The following PLCXD3 variants were observed in gnomAD, a reference collection of about 807,000 sequenced individuals.
The protein encoded by PLCXD3 is phosphatidylinositol specific phospholipase C X domain containing 3.
Under a neutral mutation model 25.5 loss-of-function variants are expected in PLCXD3, and 19 were observed. The ratio of observed to expected loss-of-function variants is 0.75; its 90% CI spans 0.52 to 1.09. The LOEUF (loss-of-function observed/expected upper bound fraction) is 1.09. Ranked by LOEUF, PLCXD3 falls within the 50% of genes least tolerant of loss-of-function variation. The pLI is 0.00. For missense variants in PLCXD3, 411 were observed against 388.1 expected, an observed-to-expected ratio of 1.06 and a Z score of -0.50; for synonymous variants, 174 against 137.6, an observed-to-expected ratio of 1.26 and a Z score of -1.85.
At chr5:41,465,020 T>G (rs1747980807) in intron 1 of PLCXD3, among the ~76,000 whole-genome samples, 1 of 152,128 alleles carries the variant, frequency 6.6e-6, no homozygotes, top group Non-Finnish European at 1.5e-5. Context: ...GTTCTTATTT[T>G]GTTATCAACT....
At chr5:41,370,542 C>T (rs10941540) in intron 2 of PLCXD3, among the ~76,000 whole-genome samples, 2,208 of 152,226 alleles carry the variant, frequency 0.015, 51 homozygotes, top group African/African-American at 0.048. Flanking sequence ...AGGTAGGACA[C>T]GCTTACAGCA....
intron 1 of PLCXD3, among the ~76,000 whole-genome samples, chr5:41,391,622 C>G (rs892902676): frequency 2.6e-5 from 4 of 152,164 alleles, no homozygotes; most frequent in Non-Finnish European, 5.9e-5. Flanking sequence ...AGGTGAGTCT[C>G]AGCACATTAC....
chr5:41,502,512 G>A (rs1482626171), intron 1 of PLCXD3, among the ~76,000 whole-genome samples: 4 of 152,086 alleles, frequency 2.6e-5, no homozygotes, highest in Non-Finnish European at 4.4e-5. Flanking sequence ...GATGTAATCA[G>A]TACAGATGAA....
intron 1 of PLCXD3, among the ~76,000 whole-genome samples, chr5:41,445,796 A>T (rs1281205454): frequency 6.6e-6 from 1 of 152,168 alleles, no homozygotes; most frequent in Non-Finnish European, 1.5e-5. Context: ...TGCCCAGCCC[A>T]AGGTCACAAA....
chr5:41,470,049 G>C (rs748167166), intron 1 of PLCXD3, among the ~76,000 whole-genome samples: 4 of 152,158 alleles, frequency 2.6e-5, no homozygotes, highest in Non-Finnish European at 5.9e-5. Flanking sequence ...ATCCAGACCA[G>C]CAGCTCTGTC....
At chr5:41,319,797 A>G (rs1042436191) in intron 2 of PLCXD3, among the ~76,000 whole-genome samples, 1 of 152,152 alleles carries the variant, frequency 6.6e-6, no homozygotes, top group African/African-American at 2.4e-5. Context: ...TGAAAAAAAT[A>G]CAAAAGATCA....
chr5:41,376,617 T>C (rs1218764957), intron 2 of PLCXD3, among the ~76,000 whole-genome samples: 2 of 152,160 alleles, frequency 1.3e-5, no homozygotes, highest in Admixed American at 1.3e-4. Flanking sequence ...CCTGAGAAGC[T>C]ACCCCTATCC....
At chr5:41,491,027 A>C (rs1457681170) in intron 1 of PLCXD3, among the ~76,000 whole-genome samples, 1 of 152,020 alleles carries the variant, frequency 6.6e-6, no homozygotes, top group African/African-American at 2.4e-5. Flanking sequence ...TTGTGATGTT[A>C]GGTTGTCAAT....
chr5:41,473,292 T>G (rs1335108500), intron 1 of PLCXD3, among the ~76,000 whole-genome samples: 2 of 152,116 alleles, frequency 1.3e-5, no homozygotes, highest in Non-Finnish European at 2.9e-5. Flanking sequence ...TGTGCTAAGA[T>G]TTCTATAGCA....
chr5:41,509,489 G>T (rs1394152912), intron 1 of PLCXD3, among the ~76,000 whole-genome samples: 1 of 152,114 alleles, frequency 6.6e-6, no homozygotes, highest in South Asian at 2.1e-4. Context: ...CTAGAAACCT[G>T]CCCAGTCTCT....
chr5:41,339,335 AGGT>A (rs1744072241), intron 2 of PLCXD3, among the ~76,000 whole-genome samples: 1 of 152,122 alleles, frequency 6.6e-6, no homozygotes, highest in Non-Finnish European at 1.5e-5. Flanking sequence ...ATATTCTAGG[AGGT>A]AGCTCCAGCT....
At chr5:41,464,611 G>A (rs900934206) in intron 1 of PLCXD3, among the ~76,000 whole-genome samples, 2 of 151,914 alleles carry the variant, frequency 1.3e-5, no homozygotes, top group African/African-American at 4.8e-5. Context: ...CTATGGTAAA[G>A]TTTTCTTCAC....
intron 2 of PLCXD3, among the ~76,000 whole-genome samples, chr5:41,359,201 G>T (rs191768004): frequency 6.6e-6 from 1 of 152,114 alleles, no homozygotes; most frequent in African/African-American, 2.4e-5. Flanking sequence ...TCCTTCCCTG[G>T]TTTTGGTATT....
intron 1 of PLCXD3, among the ~76,000 whole-genome samples, chr5:41,446,492 T>C (rs1244039402): frequency 6.6e-6 from 1 of 151,888 alleles, no homozygotes; most frequent in Non-Finnish European, 1.5e-5. Context: ...TACTGGCAAA[T>C]GTAGCCTATG....
intron 2 of PLCXD3, among the ~76,000 whole-genome samples, chr5:41,347,330 G>C (rs1181500319): frequency 6.6e-6 from 1 of 152,170 alleles, no homozygotes; most frequent in Non-Finnish European, 1.5e-5. Context: ...AATGATTTCT[G>C]GTTCACTAAT....
At chr5:41,317,828 G>GA (rs1171603740) in intron 2 of PLCXD3, among the ~76,000 whole-genome samples, 2 of 151,810 alleles carry the variant, frequency 1.3e-5, no homozygotes, top group East Asian at 1.9e-4. Context: ...GGAGACAAAA[G>GA]AAAAAATAAT....
chr5:41,333,717 G>C (rs960631902), intron 2 of PLCXD3, among the ~76,000 whole-genome samples: 1 of 152,108 alleles, frequency 6.6e-6, no homozygotes, highest in Admixed American at 6.6e-5. Context: ...AGCAAGTCTT[G>C]AGCTTTTAGG....
chr5:41,454,859 T>C (rs986094054), intron 1 of PLCXD3, among the ~76,000 whole-genome samples: 6 of 151,934 alleles, frequency 3.9e-5, no homozygotes, highest in African/African-American at 1.4e-4. Context: ...GGGTAATTAA[T>C]AAGAAAAGAA....
At chr5:41,350,459 C>T (rs536730764) in intron 2 of PLCXD3, among the ~76,000 whole-genome samples, 107 of 152,198 alleles carry the variant, frequency 7.0e-4, no homozygotes, top group African/African-American at 2.4e-3. Context: ...AGGTTCTATT[C>T]CCATAGGAAG....
Sources: allele counts gnomAD v4.1 joint callset (sites outside exome capture counted in the v4.1 genomes callset), GRCh38; gene constraint gnomAD v4.1.1; transcripts MANE v1.5; gene names NCBI Gene and HGNC (gene_info 2026-07-23, HGNC 2026-07-21).